IQCH: variants seen among roughly 807,000 people sequenced by gnomAD.
IQCH encodes the protein IQ motif containing H, also known as IQ domain-containing protein H.
A neutral mutation model predicts 117.0 loss-of-function variants in IQCH; 98 were observed. The observed-to-expected ratio is 0.84, with a 90% CI of 0.71 to 0.99. The LOEUF (loss-of-function observed/expected upper bound fraction) is 0.99, where lower values mean the gene tolerates loss of function less well. Ranked by LOEUF, IQCH falls within the 50% of genes least tolerant of loss-of-function variation. IQCH has a pLI of 0.00. For synonymous variants in IQCH, 412 were observed against 448.2 expected (o/e 0.92, Z 1.02); for missense variants, 1,102 against 1,243.8 (o/e 0.89, Z 1.72).
chr15:67,404,876 T>C lies in IQCH; in HGVS notation c.2097+4571T>C, dbSNP rs1971824585. On this transcript the variant is annotated intron_variant, in intron 14 of 20. Coordinates refer to ENST00000335894, the MANE Select transcript of IQCH (RefSeq NM_001031715.3). This position sits in a 1 kb window ranked among gnomAD's most constrained non-coding sequence, Gnocchi z 4.6. ...CCTCTTTTTGCTTCTGTTGAGTTACTTCCCGAGGAGAAAGACCCAGGAGTA... is the reference window on the plus strand; with the variant it reads ...CCTCTTTTTGCTTCTGTTGAGTTACCTCCCGAGGAGAAAGACCCAGGAGTA... 1 of 152,222 alleles carries C rather than the reference T, an allele frequency of 6.6e-6. No homozygotes were observed. The highest frequency in any genetic ancestry group is 2.1e-4 in the South Asian group (1 of 4,832). 9.4% of individuals were successfully genotyped at this position (152,222 alleles called of 1,614,324 possible). A position where few individuals can be genotyped will look rare whatever the true frequency, so the allele number is the denominator to read the frequency against.
At chr15:67,383,899 A>C (rs1300422676) in intron 10 of IQCH, among the ~76,000 whole-genome samples, 1 of 152,192 alleles carries the variant, frequency 6.6e-6, no homozygotes, top group African/African-American at 2.4e-5. Flanking sequence ...TTAAACACTG[A>C]CATCAAAGCA....
intron 4 of IQCH, among the ~76,000 whole-genome samples, chr15:67,320,826 G>A: frequency 6.6e-6 from 1 of 152,096 alleles, no homozygotes; most frequent in East Asian, 1.9e-4. Flanking sequence ...GGTATTCCAT[G>A]CAAAAAGAGT....
intron 3 of IQCH, among the ~76,000 whole-genome samples, chr15:67,263,631 A>G (rs1965547701): frequency 6.6e-6 from 1 of 152,184 alleles, no homozygotes; most frequent in South Asian, 2.1e-4. Context: ...TTGTTATTTT[A>G]TAGTGAAAGG....
chr15:67,298,416 A>G (rs1177424024), intron 4 of IQCH, among the ~76,000 whole-genome samples: 3 of 152,172 alleles, frequency 2.0e-5, no homozygotes, highest in Non-Finnish European at 2.9e-5. Flanking sequence ...CAAAACTACA[A>G]TGAGATATCA....
At chr15:67,441,860 A>G (rs2082277093) in intron 16 of IQCH, among the ~76,000 whole-genome samples, 3 of 152,168 alleles carry the variant, frequency 2.0e-5, no homozygotes, top group African/African-American at 4.8e-5. Flanking sequence ...CCAAAAGAAA[A>G]TATAATAAAA....
At position 67,356,148 on chromosome 15, in the gene IQCH, C is replaced by T. The variant is rs1418393301; in HGVS notation, c.638-1197C>T. On this transcript the variant is annotated intron_variant, in intron 6 of 20. Transcript: ENST00000335894. The surrounding 1 kb of genome is among the most constrained non-coding windows in gnomAD (Gnocchi z 5.3). ...AGGCTGAACACAGAATGTGGACTTA[C>T]CTTCAGAAGTGGGAGAGCAAACTCC... Among the ~76,000 whole-genome samples, 1 of 152,086 alleles carries T rather than the reference C, an allele frequency of 6.6e-6. No individual in the cohort carries two copies. Among genetic ancestry groups the T allele is most frequent in the Non-Finnish European group, 1.5e-5 (1 of 68,028 alleles).
At chr15:67,277,880 G>T (rs1385509933) in intron 3 of IQCH, among the ~76,000 whole-genome samples, 1 of 151,940 alleles carries the variant, frequency 6.6e-6, no homozygotes, top group Non-Finnish European at 1.5e-5. Context: ...TTTGTCTTTG[G>T]GTTTCCTTAG....
rs186468321 is a variant in IQCH at position 67,377,894 on chromosome 15, A to G, written c.1372+4461A>G. 4.9e-3 allele frequency among the ~76,000 whole-genome samples: 752 copies of G among 152,254 alleles called. 8 individuals carry two copies. The highest frequency in any genetic ancestry group is 0.017 in the African/African-American group (722 of 41,534). ...TTTCCCTCTGTGCCCTATTTTAGCA[A>G]GTTATTCTTGGGGTTAAAACAAGTA... On this transcript the variant is annotated intron_variant, in intron 10 of 20. Coordinates refer to ENST00000335894, the MANE Select transcript of IQCH (RefSeq NM_001031715.3).
rs528659879 is a variant in IQCH at position 67,328,505 on chromosome 15, T to G, written c.388-8470T>G. Among the ~76,000 whole-genome samples, 105 of 152,074 alleles carry G rather than the reference T, an allele frequency of 6.9e-4. 1 individual carries two copies. Among genetic ancestry groups the G allele is most frequent in the African/African-American group, 2.1e-3 (88 of 41,482 alleles). On this transcript the variant is annotated intron_variant, in intron 4 of 20. Transcript: ENST00000335894. ...AAGTAAAAAGAAAAACTATAGAAAA[T>G]CAGAGGAAGAAGAGATCAGAAGTGA...
rs1183416950 is a variant in IQCH, at chr15:67,390,061, C to G, written c.1632+1055C>G. On this transcript the variant is annotated intron_variant, in intron 12 of 20. Transcript: ENST00000335894. This position sits in a 1 kb window ranked among gnomAD's most constrained non-coding sequence, Gnocchi z 5.0. ...GCCTCAGTATTCCCCTAAAAACCCT[C>G]TGCTCAGTTTTGTTTCATTGGCACT... 6.6e-6 allele frequency among the ~76,000 whole-genome samples: 1 copy of G among 152,152 alleles called. No homozygotes were observed. The highest frequency in any genetic ancestry group is 6.5e-5 in the Admixed American group (1 of 15,268).
intron 4 of IQCH, among the ~76,000 whole-genome samples, chr15:67,280,472 G>A (rs906860400): frequency 2.0e-5 from 3 of 152,206 alleles, no homozygotes; most frequent in Admixed American, 1.3e-4. Context: ...TGTCTGGTGA[G>A]GTCTTTCTTC....
intron 4 of IQCH, among the ~76,000 whole-genome samples, chr15:67,283,663 A>T (rs1013366784): frequency 1.3e-5 from 2 of 152,038 alleles, no homozygotes; most frequent in African/African-American, 4.8e-5. Flanking sequence ...AATTATAGCA[A>T]TTTTTCACTC....
chr15:67,451,117 C>A (rs555796016), intron 16 of IQCH, among the ~76,000 whole-genome samples: 2 of 152,224 alleles, frequency 1.3e-5, no homozygotes, highest in Admixed American at 1.3e-4. Flanking sequence ...TCTCTCTCTT[C>A]TTCTTTATTA....
In IQCH at chr15:67,364,695, T is replaced by A. The variant is rs1267561638; in HGVS notation, c.753+4810T>A. Among the ~76,000 whole-genome samples the A allele has an allele frequency of 3.9e-5, 6 of 152,210 alleles. No individual in the cohort carries two copies. Among genetic ancestry groups the A allele is most frequent in the Non-Finnish European group, 1.5e-5 (1 of 68,030 alleles). The stretch of plus-strand genomic sequence containing the variant: ...GAGAAAAAAAGTATAGAAGGATTTT[T>A]TTCCCCATATCACAATCCTTTGGTA... On this transcript the variant is annotated intron_variant, in intron 8 of 20. Transcript: ENST00000335894. The surrounding 1 kb of genome is among the most constrained non-coding windows in gnomAD (Gnocchi z 4.1).
intron 17 of IQCH, among the ~76,000 whole-genome samples, chr15:67,470,129 C>A (rs1053659570): frequency 6.6e-6 from 1 of 152,220 alleles, no homozygotes. Flanking sequence ...CACAGAAGCA[C>A]TAAATGGACC....
intron 8 of IQCH, among the ~76,000 whole-genome samples, chr15:67,361,519 G>A (rs1174053642): frequency 1.3e-5 from 2 of 152,080 alleles, no homozygotes; most frequent in Non-Finnish European, 2.9e-5. Flanking sequence ...TACATTTATT[G>A]CATTTCTAAA....
chr15:67,364,966 G>A lies in IQCH; in HGVS notation c.753+5081G>A, dbSNP rs147153586. Among the ~76,000 whole-genome samples the A allele has an allele frequency of 4.9e-3, 750 of 152,104 alleles. 8 individuals carry two copies. Among genetic ancestry groups the A allele is most frequent in the African/African-American group, 0.017 (714 of 41,484 alleles). On this transcript the variant is annotated intron_variant, in intron 8 of 20. Coordinates refer to ENST00000335894, the MANE Select transcript of IQCH (RefSeq NM_001031715.3). This position sits in a 1 kb window ranked among gnomAD's most constrained non-coding sequence, Gnocchi z 4.1. ...TGTTTTTGTTCTTGTTTTGAGATGC[G>A]GTCTCTCTCTGTCACCTAGTCTGCA...
intron 14 of IQCH, among the ~76,000 whole-genome samples, chr15:67,410,909 A>C (rs1000611574): frequency 1.3e-5 from 2 of 152,150 alleles, no homozygotes; most frequent in African/African-American, 4.8e-5. Flanking sequence ...ATCATGGCAC[A>C]CTGGTAGCAA....
intron 4 of IQCH, among the ~76,000 whole-genome samples, chr15:67,308,958 A>G (rs1303849137): frequency 6.6e-6 from 1 of 152,092 alleles, no homozygotes; most frequent in Non-Finnish European, 1.5e-5. Flanking sequence ...CTTCTCTGCC[A>G]TGATCCTGTA....
Sources: allele counts gnomAD v4.1 joint callset (sites outside exome capture counted in the v4.1 genomes callset), GRCh38; gene constraint gnomAD v4.1.1; non-coding constraint Gnocchi (gnomAD v3.1); transcripts MANE v1.5; gene names NCBI Gene and HGNC (gene_info 2026-07-23, HGNC 2026-07-21).